Variants in FNDC3A observed in about 807,000 individuals in gnomAD.
FNDC3A encodes the protein fibronectin type-III domain-containing protein 3A.
FNDC3A carries 32 observed loss-of-function variants against 148.9 expected under a neutral mutation model. The observed-to-expected ratio is 0.21, with a 90% CI of 0.16 to 0.29. The LOEUF (loss-of-function observed/expected upper bound fraction) is 0.29. FNDC3A is among the 10% of genes least tolerant of loss of function. The probability of loss-of-function intolerance (pLI) is 1.00; values close to 1 mark genes in which losing one functional copy is unlikely to be tolerated. For missense variants in FNDC3A, 1,191 were observed against 1,452.8 expected (o/e 0.82, Z 2.93); for synonymous variants, 472 against 473.6 (o/e 1.00, Z 0.04).
chr13:49,073,779 A>G (rs1216244873), intron 2 of FNDC3A, among the ~76,000 whole-genome samples: 1 of 146,384 alleles, frequency 6.8e-6, no homozygotes, highest in Non-Finnish European at 1.5e-5. Context: ...TATAATATAT[A>G]TGTGTATATA....
intron 6 of FNDC3A, among the ~76,000 whole-genome samples, chr13:49,138,054 G>A (rs1360567786): frequency 2.0e-5 from 3 of 152,092 alleles, no homozygotes; most frequent in Admixed American, 1.3e-4. Flanking sequence ...ATTAATATAT[G>A]ACTAGGAACT....
chr13:49,003,610 A>G (rs916402098), intron 1 of FNDC3A, among the ~76,000 whole-genome samples: 5 of 152,200 alleles, frequency 3.3e-5, no homozygotes, highest in African/African-American at 7.2e-5. Flanking sequence ...TGTTTAAGAA[A>G]TCTTTCTCTG....
At chr13:48,996,055 A>G (rs1390778187) in intron 1 of FNDC3A, among the ~76,000 whole-genome samples, 1 of 152,208 alleles carries the variant, frequency 6.6e-6, no homozygotes, top group South Asian at 2.1e-4. Context: ...TTGTGGCAGA[A>G]CTTATTTAAA....
In FNDC3A at chr13:49,043,150, G is replaced by T. The variant is rs566558644; in HGVS notation, c.100-32139G>T. On this transcript the variant is annotated intron_variant, in intron 2 of 25. Transcript: ENST00000492622. ...TTTTTTTTTTTTTTAATATTTTGTA[G>T]AGACAGGGTCTTACTGTGTTGCTTA... Among the ~76,000 whole-genome samples, 45 of 149,750 alleles carry T rather than the reference G, an allele frequency of 3.0e-4. 1 individual carries two copies. In the East Asian group the frequency reaches 8.5e-3, roughly 28 times the overall value.
intron 3 of FNDC3A, 108 bp downstream of exon 3, chr13:49,075,472 G>A: frequency 1.6e-6 from 1 of 618,614 alleles, no homozygotes; most frequent in Non-Finnish European, 2.9e-6. Flanking sequence ...CTCACTACCA[G>A]CACACAAAAG....
chr13:49,147,156 G>T (rs574910052), intron 8 of FNDC3A, among the ~76,000 whole-genome samples: 1 of 152,172 alleles, frequency 6.6e-6, no homozygotes, highest in African/African-American at 2.4e-5. Context: ...AACCTAAGGG[G>T]TAAGTAGGGG....
intron 2 of FNDC3A, among the ~76,000 whole-genome samples, chr13:49,032,242 A>G (rs559129640): frequency 2.0e-5 from 3 of 152,334 alleles, no homozygotes; most frequent in African/African-American, 7.2e-5. Context: ...TTCCTAAGAC[A>G]GTTAAACATA....
At chr13:49,087,541 A>G (rs1324775617) in intron 3 of FNDC3A, among the ~76,000 whole-genome samples, 1 of 152,152 alleles carries the variant, frequency 6.6e-6, no homozygotes, top group Non-Finnish European at 1.5e-5. Context: ...GAGGCTAGAG[A>G]AGCAAATTGA....
At chr13:49,165,785 A>T (rs181939173) in intron 8 of FNDC3A, among the ~76,000 whole-genome samples, 1 of 152,176 alleles carries the variant, frequency 6.6e-6, no homozygotes, top group Non-Finnish European at 1.5e-5. Context: ...CTGGGTTCCA[A>T]GCAGTCCATG....
At chr13:49,151,017 C>T (rs955114571) in intron 8 of FNDC3A, among the ~76,000 whole-genome samples, 5 of 151,184 alleles carry the variant, frequency 3.3e-5, no homozygotes, top group African/African-American at 9.7e-5. Context: ...AAGAATGTTT[C>T]ATGTTTCATG....
chr13:49,094,913 T>C (rs1306179994), intron 3 of FNDC3A, among the ~76,000 whole-genome samples: 1 of 152,048 alleles, frequency 6.6e-6, no homozygotes, highest in Non-Finnish European at 1.5e-5. Context: ...TCAACAAAAT[T>C]AACTCTTTTG....
chr13:49,105,410 A>G (rs1341456863), intron 3 of FNDC3A, among the ~76,000 whole-genome samples: 1 of 152,212 alleles, frequency 6.6e-6, no homozygotes, highest in Non-Finnish European at 1.5e-5. Context: ...GTTCTGATCC[A>G]TGCTTCTCTC....
intron 2 of FNDC3A, among the ~76,000 whole-genome samples, chr13:49,064,660 G>C (rs150024368): frequency 6.6e-6 from 1 of 152,228 alleles, no homozygotes; most frequent in East Asian, 1.9e-4. Context: ...CAGTCATTAT[G>C]CCAGCACACA....
intron 19 of FNDC3A, among the ~76,000 whole-genome samples, chr13:49,191,808 A>AT (rs545793476): frequency 2.1e-4 from 32 of 151,458 alleles, no homozygotes; most frequent in African/African-American, 5.6e-4. Flanking sequence ...ATTATGATTC[A>AT]TTTTTTTTGC....
rs77802041 is a variant in FNDC3A at position 49,170,259 on chromosome 13, G to A, written c.1176+1508G>A. ...CCTCAGAGTCGGGAGGATTAAACAG[G>A]TAACATCTAAATCGCCCATAGTATA... On this transcript the variant is annotated intron_variant, in intron 10 of 25. Coordinates refer to ENST00000492622, the MANE Select transcript of FNDC3A (RefSeq NM_001079673.2). 4.7e-3 allele frequency among the ~76,000 whole-genome samples: 710 copies of A among 152,196 alleles called. 8 individuals are homozygous for A. The highest frequency in any genetic ancestry group is 0.016 in the African/African-American group (681 of 41,540).
intron 4 of FNDC3A, among the ~76,000 whole-genome samples, chr13:49,115,181 T>C (rs1880855374): frequency 1.1e-5 from 1 of 90,402 alleles, no homozygotes; most frequent in Admixed American, 1.2e-4. Context: ...CCCTGAGGGA[T>C]GAGGGGGGGG....
At chr13:49,189,328 G>GC (rs1040026229) in intron 17 of FNDC3A, among the ~76,000 whole-genome samples, 19 of 151,750 alleles carry the variant, frequency 1.3e-4, no homozygotes, top group African/African-American at 4.1e-4. Context: ...GACTACAGGC[G>GC]CCCCCCACCA....
At position 49,114,727 on chromosome 13, in the gene FNDC3A, C is replaced by A; in HGVS notation, c.248C>A (p.Pro83Gln). 1 of 1,598,836 alleles carries A rather than the reference C, an allele frequency of 6.3e-7. No homozygotes were observed. Among genetic ancestry groups the A allele is most frequent in the Non-Finnish European group, 8.6e-7 (1 of 1,166,202 alleles). The part of the protein sequence containing the change: ...PPIYVPPGYA[P>Q]QVIEDNGVRR... ...ATCTATGTGCCTCCTGGATATGCCC[C>A]ACAGGTATGTTTTTATGCTATTTTT... The change falls in exon 4 of 26, where the codon CCA becomes CAA. Residue 83 changes from proline (P) to glutamine (Q), a missense_variant. Pro to Gln is a moderately conservative substitution (Grantham distance 76, BLOSUM62 -1). Transcript: ENST00000492622.
At position 49,167,318 on chromosome 13, in the gene FNDC3A, CA is replaced by C; in HGVS notation, c.1037+16del. On this transcript the variant is annotated intron_variant, in intron 9 of 25. Coordinates refer to ENST00000492622, the MANE Select transcript of FNDC3A (RefSeq NM_001079673.2). ...TACCATGCAAAGTAAGGAATTCCTA[CA>C]GATTGCCTTTATAAGATACAGCATA... 1 of 1,540,002 alleles carries C rather than the reference CA, an allele frequency of 6.5e-7. No homozygotes were observed. Among genetic ancestry groups the C allele is most frequent in the Non-Finnish European group, 8.9e-7 (1 of 1,122,060 alleles).
Sources: allele counts gnomAD v4.1 joint callset (sites outside exome capture counted in the v4.1 genomes callset), GRCh38; gene constraint gnomAD v4.1.1; transcripts MANE v1.5; gene names NCBI Gene and HGNC (gene_info 2026-07-23, HGNC 2026-07-21).